The following KCNK10 variants were observed in gnomAD, a reference collection of about 807,000 sequenced individuals.
KCNK10 encodes the protein potassium channel subfamily K member 10.
Under a neutral mutation model 47.7 loss-of-function variants are expected in KCNK10, and 25 were observed. That is an observed-to-expected ratio of 0.52 (90% confidence interval 0.38 to 0.73). The LOEUF (loss-of-function observed/expected upper bound fraction) is 0.73, where lower values mean the gene tolerates loss of function less well. Among genes scored for constraint, KCNK10 ranks in the 30% least tolerant of loss-of-function variants. The pLI is 0.00. For synonymous variants in KCNK10, 303 were observed against 285.6 expected (o/e 1.06, Z -0.61); for missense variants, 563 against 714.5 (o/e 0.79, Z 2.42).
chr14:88,197,572 TAAAAAAAAAAAAAAAAAA>T lies in KCNK10; in HGVS notation c.682-5180_682-5163del, dbSNP rs71417717. ...CTGGGCAACAGAGAGAGACTCCGAC[TAAAAAAAAAAAAAAAAAA>T]AAAAAAAAAAAAAAAAAAAAAATCA... On this transcript the variant is annotated intron_variant, in intron 4 of 6. Coordinates refer to ENST00000319231, the MANE Select transcript of KCNK10 (RefSeq NM_138317.3). Among the ~76,000 whole-genome samples, 111 of 17,150 alleles carry T rather than the reference TAAAAAAAAAAAAAAAAAA, an allele frequency of 6.5e-3. 4 individuals are homozygous for T. Among genetic ancestry groups the T allele is most frequent in the South Asian group, 0.042 (11 of 260 alleles). 11.3% of individuals were successfully genotyped at this position (17,150 alleles called of 152,430 possible).
At chr14:88,248,872 A>G (rs967427481) in intron 2 of KCNK10, among the ~76,000 whole-genome samples, 1 of 152,204 alleles carries the variant, frequency 6.6e-6, no homozygotes, top group Non-Finnish European at 1.5e-5. Flanking sequence ...AAAGTTCTAG[A>G]ATACTCCTAA....
chr14:88,257,667 C>T (rs555185047), intron 2 of KCNK10, among the ~76,000 whole-genome samples: 127 of 152,326 alleles, frequency 8.3e-4, no homozygotes, highest in Admixed American at 1.0e-3. Flanking sequence ...CTCCTGCTGC[C>T]TCATTTCCTC....
intron 2 of KCNK10, among the ~76,000 whole-genome samples, chr14:88,241,042 G>A (rs77983626): frequency 0.054 from 8,176 of 152,222 alleles, 308 homozygotes; most frequent in Non-Finnish European, 0.085. Context: ...GAAACGCTAG[G>A]GTATAGAATA....
intron 4 of KCNK10, among the ~76,000 whole-genome samples, chr14:88,197,886 GAGAGAGAGAA>G (rs1369140869): frequency 5.1e-4 from 77 of 151,506 alleles, no homozygotes; most frequent in African/African-American, 1.8e-3. Flanking sequence ...GAGAGAGAGA[GAGAGAGAGAA>G]GGGGAAAAAA....
At chr14:88,325,701 C>CA (rs1464222132), upstream of KCNK10, among the ~76,000 whole-genome samples, 2 of 152,162 alleles carry the variant, frequency 1.3e-5, no homozygotes, top group Non-Finnish European at 2.9e-5. Context: ...TCCTCCTTTG[C>CA]AAAATGAACT....
intron 1 of KCNK10, among the ~76,000 whole-genome samples, chr14:88,269,302 G>A (rs1429538454): frequency 6.6e-6 from 1 of 152,186 alleles, no homozygotes; most frequent in African/African-American, 2.4e-5. Flanking sequence ...CCATTCATTC[G>A]TTCAATCAAC....
intron 4 of KCNK10, among the ~76,000 whole-genome samples, chr14:88,195,734 C>A (rs1420903554): frequency 6.6e-6 from 1 of 152,170 alleles, no homozygotes; most frequent in African/African-American, 2.4e-5. Context: ...CCTCCCCGTC[C>A]CATTTTTCAT....
rs73328079 is a variant in KCNK10 at position 88,272,308 on chromosome 14, C to T, written c.53-8757G>A. On this transcript the variant is annotated intron_variant, in intron 1 of 6. Transcript: ENST00000319231. Reference sequence around the variant, plus strand: ...TTCTATGCAAGCAAATGCAACAAAGCGTGCAGATGCTGTGTTTGACAGAGG... The same window carrying T: ...TTCTATGCAAGCAAATGCAACAAAGTGTGCAGATGCTGTGTTTGACAGAGG... 9.2e-3 allele frequency among the ~76,000 whole-genome samples: 1,396 copies of T among 152,220 alleles called. 23 individuals carry two copies. The highest frequency in any genetic ancestry group is 0.031 in the African/African-American group (1,306 of 41,530).
chr14:88,201,585 G>A (rs1276157603), intron 4 of KCNK10, among the ~76,000 whole-genome samples: 12 of 152,098 alleles, frequency 7.9e-5, no homozygotes, highest in East Asian at 3.9e-4. Flanking sequence ...GCTTGAACCC[G>A]GGAGGCAGAG....
At chr14:88,314,492 A>C (rs1005198474) in intron 1 of KCNK10, among the ~76,000 whole-genome samples, 4 of 152,228 alleles carry the variant, frequency 2.6e-5, no homozygotes, top group African/African-American at 9.6e-5. Context: ...ATACACTGCT[A>C]ATAAAATGGG....
At chr14:88,212,739 CAAAACCA>C (rs1385938485) in intron 4 of KCNK10, among the ~76,000 whole-genome samples, 3 of 152,310 alleles carry the variant, frequency 2.0e-5, no homozygotes, top group Non-Finnish European at 4.4e-5. Flanking sequence ...AGACATAGTG[CAAAACCA>C]TTAGGTCAAA....
chr14:88,245,687 GACAA>G (rs1886616916), intron 2 of KCNK10, among the ~76,000 whole-genome samples: 1 of 152,182 alleles, frequency 6.6e-6, no homozygotes, highest in Admixed American at 6.5e-5. Context: ...CAAAAAGAAA[GACAA>G]ACAAAGGTGC....
At chr14:88,318,837 T>C (rs1348537247) in intron 1 of KCNK10, among the ~76,000 whole-genome samples, 2 of 152,248 alleles carry the variant, frequency 1.3e-5, no homozygotes, top group Non-Finnish European at 2.9e-5. Flanking sequence ...TTGCTACAGC[T>C]GCTTTTAGAA....
At position 88,181,408 on chromosome 14, in the gene KCNK10, A is replaced by G. The variant is rs72698030; in HGVS notation, c.*4127T>C. On this transcript the variant is annotated 3_prime_UTR_variant, in exon 7 of 7. Transcript: ENST00000319231. ...TCCTCAGGTGTGTGTGTGTGTGTGT[A>G]TGTGTGCGTGTGTGTGTGTGTGTGT... 2.1e-5 allele frequency: 2 copies of G among 95,632 alleles called. No homozygotes were observed. The highest frequency in any genetic ancestry group is 4.5e-5 in the Non-Finnish European group (2 of 44,818). 5.9% of individuals were successfully genotyped at this position (95,632 alleles called of 1,614,324 possible). A position where few individuals can be genotyped will look rare whatever the true frequency, so the allele number is the denominator to read the frequency against.
intron 2 of KCNK10, among the ~76,000 whole-genome samples, chr14:88,261,649 G>GA (rs1555363376): frequency 6.6e-6 from 1 of 152,070 alleles, no homozygotes; most frequent in Non-Finnish European, 1.5e-5. Context: ...AGCTACTCAG[G>GA]AGACTGAGGC....
chr14:88,235,060 A>G (rs1431353831), intron 3 of KCNK10: 2 of 456,346 alleles, frequency 4.4e-6, no homozygotes, highest in Non-Finnish European at 8.8e-6. Flanking sequence ...AAAGAGGGAG[A>G]GCAGCAGAAG....
chr14:88,200,486 T>C (rs1295510968), intron 4 of KCNK10, among the ~76,000 whole-genome samples: 2 of 151,562 alleles, frequency 1.3e-5, no homozygotes, highest in African/African-American at 4.9e-5. Context: ...AAAAAGAAAA[T>C]GGAGAGAAGG....
intron 2 of KCNK10, among the ~76,000 whole-genome samples, chr14:88,241,768 A>G (rs1207678009): frequency 1.3e-5 from 2 of 152,168 alleles, no homozygotes; most frequent in African/African-American, 4.8e-5. Flanking sequence ...GACTTAGTCT[A>G]TGCATCACTG....
At chr14:88,294,246 A>G (rs942053713) in intron 1 of KCNK10, among the ~76,000 whole-genome samples, 26 of 152,268 alleles carry the variant, frequency 1.7e-4, no homozygotes, top group Non-Finnish European at 2.8e-4. Flanking sequence ...AATCAGGACC[A>G]AAAAGATGCC....
Sources: gnomAD v4.1 joint callset for allele counts (sites outside exome capture counted in the v4.1 genomes callset) on GRCh38, gnomAD v4.1.1 for gene constraint, MANE v1.5 for transcripts, NCBI Gene and HGNC (gene_info 2026-07-23, HGNC 2026-07-21) for gene names.